MAP2K4: variants seen among roughly 807,000 people sequenced by gnomAD.
MAP2K4 encodes the protein dual specificity mitogen-activated protein kinase kinase 4.
A neutral mutation model predicts 48.5 loss-of-function variants in MAP2K4; 4 were observed. The ratio of observed to expected loss-of-function variants is 0.08; its 90% CI spans 0.04 to 0.19. The LOEUF (loss-of-function observed/expected upper bound fraction) is 0.19. Among genes scored for constraint, MAP2K4 ranks in the 10% least tolerant of loss-of-function variants. The pLI, the probability that MAP2K4 is intolerant of heterozygous loss-of-function variation, is 1.00. For missense variants in MAP2K4, 258 were observed against 493.3 expected, an observed-to-expected ratio of 0.52 and a Z score of 4.52; for synonymous variants, 166 against 173.1, an observed-to-expected ratio of 0.96 and a Z score of 0.32.
At chr17:12,076,911 T>C (rs376569010) in intron 2 of MAP2K4, among the ~76,000 whole-genome samples, 101 of 152,256 alleles carry the variant, frequency 6.6e-4, no homozygotes, top group African/African-American at 2.2e-3. Flanking sequence ...ATTGTATTGC[T>C]TTATTCATGT....
At position 12,141,213 on chromosome 17, in the gene MAP2K4, C is replaced by G; in HGVS notation, c.1153C>G (p.Leu385Val). Residue 385 changes from leucine (L) to valine (V), a missense_variant, in exon 11 of 11, where the codon CTG (leucine) becomes GTG (valine). Leu to Val is a conservative substitution (Grantham distance 32). Transcript: ENST00000353533. ...GGTCGCATGCTATGTTTGTAAAATC[C>G]TGGATCAAATGCCAGCTACTCCCAG... ...VEVACYVCKI[L>V]DQMPATPSSP... 1 of 1,613,856 alleles carries G rather than the reference C, an allele frequency of 6.2e-7. No individual in the cohort carries two copies. Among genetic ancestry groups the G allele is most frequent in the Non-Finnish European group, 8.5e-7 (1 of 1,179,790 alleles).
chr17:12,096,189 A>G (rs1971750851), intron 4 of MAP2K4, among the ~76,000 whole-genome samples: 1 of 150,984 alleles, frequency 6.6e-6, no homozygotes, highest in African/African-American at 2.4e-5. Flanking sequence ...CCTGAAGTAT[A>G]CCCATCAGAC....
intron 2 of MAP2K4, among the ~76,000 whole-genome samples, chr17:12,064,850 A>G (rs1597429106): frequency 6.6e-6 from 1 of 152,244 alleles, no homozygotes. Flanking sequence ...AAATTATGGT[A>G]TATTATTTAA....
At chr17:12,062,235 C>T (rs1232582163) in intron 2 of MAP2K4, among the ~76,000 whole-genome samples, 1 of 152,144 alleles carries the variant, frequency 6.6e-6, no homozygotes, top group East Asian at 1.9e-4. Context: ...TTCCCACTCT[C>T]ATTTTGGTAG....
chr17:12,051,889 G>C (rs1970150578), intron 1 of MAP2K4, among the ~76,000 whole-genome samples: 1 of 151,662 alleles, frequency 6.6e-6, no homozygotes, highest in African/African-American at 2.4e-5. Context: ...CTAGTACTTA[G>C]AGAAAGTGAA....
chr17:12,077,572 A>C (rs970097020), intron 2 of MAP2K4, among the ~76,000 whole-genome samples: 3 of 152,186 alleles, frequency 2.0e-5, no homozygotes, highest in African/African-American at 7.2e-5. Flanking sequence ...ACATTATTTC[A>C]GTTCTGCAGG....
At chr17:12,021,137 C>G (rs1337044780) in intron 1 of MAP2K4, 136 bp downstream of exon 1, 8 of 454,934 alleles carry the variant, frequency 1.8e-5, no homozygotes, top group Non-Finnish European at 2.8e-5. Context: ...TCTCCCTCCC[C>G]GGCTTCCCGC....
intron 1 of MAP2K4, among the ~76,000 whole-genome samples, chr17:12,021,912 T>A (rs933931540): frequency 1.3e-5 from 2 of 152,178 alleles, no homozygotes; most frequent in Non-Finnish European, 2.9e-5. Context: ...GGGGGTGTTG[T>A]GAAAATACCA....
At chr17:12,035,882 T>G (rs915684930) in intron 1 of MAP2K4, among the ~76,000 whole-genome samples, 9 of 152,202 alleles carry the variant, frequency 5.9e-5, no homozygotes, top group African/African-American at 2.2e-4. Context: ...TTCATTGACT[T>G]TCACATAGTT....
At position 12,113,255 on chromosome 17, in the gene MAP2K4, T is replaced by C. The variant is rs1407605761; in HGVS notation, c.708T>C (p.Leu236=). 6.2e-7 allele frequency: 1 copy of C among 1,613,586 alleles called. No homozygotes were observed. Among genetic ancestry groups the C allele is most frequent in the South Asian group, 1.1e-5 (1 of 91,056 alleles). ...CAGATATCAAACCTTCCAATATTCT[T>C]CTGGACAGAAGTGGAAATATTAAGC... ...IHRDIKPSNI[L]LDRSGNIKLC... Residue 236 remains leucine, a synonymous_variant, in exon 7 of 11, where the codon CTT becomes CTC. Transcript: ENST00000353533.
chr17:12,129,620 C>A (rs1241016965), intron 9 of MAP2K4, among the ~76,000 whole-genome samples: 1 of 152,216 alleles, frequency 6.6e-6, no homozygotes, highest in Non-Finnish European at 1.5e-5. Flanking sequence ...GTGGTTCTCA[C>A]AATGCAATTG....
chr17:12,122,024 G>A (rs1226022946), intron 7 of MAP2K4, among the ~76,000 whole-genome samples: 1 of 152,116 alleles, frequency 6.6e-6, no homozygotes, highest in Non-Finnish European at 1.5e-5. Flanking sequence ...ACTGTGAAAG[G>A]AAAATAAAAA....
chr17:12,102,987 C>T (rs572874758), intron 4 of MAP2K4, among the ~76,000 whole-genome samples: 27 of 148,172 alleles, frequency 1.8e-4, no homozygotes, highest in Non-Finnish European at 2.8e-4. Flanking sequence ...TTGATGATCT[C>T]GATGAACCAG....
chr17:12,033,749 A>G (rs1403156626), intron 1 of MAP2K4, among the ~76,000 whole-genome samples: 1 of 152,196 alleles, frequency 6.6e-6, no homozygotes, highest in Non-Finnish European at 1.5e-5. Flanking sequence ...ATTTAGCATG[A>G]CAACGTTTAG....
intron 1 of MAP2K4, among the ~76,000 whole-genome samples, chr17:12,027,463 CCAGA>C (rs1421813581): frequency 2.6e-5 from 4 of 151,746 alleles, no homozygotes; most frequent in African/African-American, 9.7e-5. Context: ...AAAAGTGTTG[CCAGA>C]CATATATATC....
chr17:12,055,916 C>CT (rs998148884), intron 2 of MAP2K4, among the ~76,000 whole-genome samples: 10 of 152,010 alleles, frequency 6.6e-5, no homozygotes, highest in African/African-American at 2.4e-4. Flanking sequence ...TCTCAATTGT[C>CT]TATTAATTTT....
At chr17:12,066,140 T>C (rs1055747123) in intron 2 of MAP2K4, among the ~76,000 whole-genome samples, 19 of 151,990 alleles carry the variant, frequency 1.3e-4, no homozygotes, top group Admixed American at 7.8e-4. Context: ...TTCTTTCTTT[T>C]TTTTTTTTTA....
At chr17:12,098,245 C>G (rs566356952) in intron 4 of MAP2K4, among the ~76,000 whole-genome samples, 2 of 151,906 alleles carry the variant, frequency 1.3e-5, no homozygotes, top group African/African-American at 4.8e-5. Flanking sequence ...TTCAGGAGGC[C>G]GAGGTGGGCG....
intron 4 of MAP2K4, among the ~76,000 whole-genome samples, chr17:12,103,576 T>C (rs1972010431): frequency 6.6e-6 from 1 of 152,168 alleles, no homozygotes; most frequent in Admixed American, 6.6e-5. Flanking sequence ...ATTTACTCTT[T>C]ATATGTCTTC....
Sources: allele counts gnomAD v4.1 joint callset (sites outside exome capture counted in the v4.1 genomes callset), GRCh38; gene constraint gnomAD v4.1.1; transcripts MANE v1.5; gene names NCBI Gene and HGNC (gene_info 2026-07-23, HGNC 2026-07-21).